The following TAF6 variants were observed in gnomAD, a reference collection of about 807,000 sequenced individuals.
TAF6 encodes the protein TATA-box binding protein associated factor 6.
In TAF6, 50 loss-of-function variants were observed where a neutral mutation model predicts 73.5. That is an observed-to-expected ratio of 0.68 (90% confidence interval 0.54 to 0.86). The LOEUF is 0.86. Ranked by LOEUF, TAF6 falls within the 40% of genes least tolerant of loss-of-function variation. The probability of loss-of-function intolerance (pLI) is 0.00; values close to 1 mark genes in which losing one functional copy is unlikely to be tolerated. For synonymous variants in TAF6, 424 were observed against 376.7 expected (o/e 1.13, Z -1.45); for missense variants, 768 against 899.5 (o/e 0.85, Z 1.87).
At chr7:100,112,280 C>T (rs1562927464) in intron 6 of TAF6, 27 bp from the exon 7 acceptor site, 2 of 1,603,518 alleles carry the variant, frequency 1.2e-6, no homozygotes, top group South Asian at 2.2e-5. Flanking sequence ...GTGGGTCTGA[C>T]AAAGAAAGCT....
At chr7:100,110,104 C>T (rs748929405) in intron 11 of TAF6, 31 bp from the exon 12 acceptor site, 124 of 1,613,846 alleles carry the variant, frequency 7.7e-5, no homozygotes, top group South Asian at 6.6e-5. Context: ...AAGCAAAAGC[C>T]GGAGGGTCAC....
At chr7:100,125,032 C>A in the TAF6 span, 11 of 936,676 alleles carry the variant, frequency 1.2e-5, no homozygotes, top group South Asian at 1.8e-5. Context: ...TAACCTCAGG[C>A]AAGATCCTGG....
chr7:100,108,172 G>A, intron 13 of TAF6, 49 bp from the exon 14 acceptor site: 2 of 1,541,206 alleles, frequency 1.3e-6, no homozygotes, highest in South Asian at 1.2e-5. Flanking sequence ...ACTAAGAAGA[G>A]GAGTCTGAAG....
At chr7:100,127,170 A>G in the TAF6 span, 8 of 526,634 alleles carry the variant, frequency 1.5e-5, no homozygotes, top group Non-Finnish European at 2.3e-5. The surrounding 1 kb of genome is among the most constrained non-coding windows in gnomAD (Gnocchi z 4.6). Context: ...GGGGCCGAGG[A>G]CGCCGAGGGA....
At position 100,112,894 on chromosome 7, in the gene TAF6, CA is replaced by C. The variant is rs1310343858; in HGVS notation, c.477del (p.Glu160LysfsTer6). ...PPPAPKEQQK[A>X]EATEPLKSAK... ...GCTGACTTCAGGGGTTCTGTGGCTT[CA>C]GCCTTCTGTTGCTCTTTGGGAGCTG... On this transcript the variant is annotated frameshift_variant, in exon 6 of 15. Transcript: ENST00000453269. LOFTEE classifies it high-confidence loss of function. 2 of 1,613,376 alleles carry C rather than the reference CA, an allele frequency of 1.2e-6. No homozygotes were observed. Among genetic ancestry groups the C allele is most frequent in the Non-Finnish European group, 1.7e-6 (2 of 1,179,536 alleles).
chr7:100,115,141 C>G (rs990036035), intron 1 of TAF6: 1 of 152,094 alleles, frequency 6.6e-6, no homozygotes, highest in African/African-American at 2.4e-5. Flanking sequence ...AATTACAGGC[C>G]TGAGCCACCA....
chr7:100,113,460 GCC>G (rs1797388779), intron 4 of TAF6, 55 bp from the exon 5 acceptor site: 21 of 1,530,804 alleles, frequency 1.4e-5, no homozygotes, highest in Non-Finnish European at 1.7e-5. Context: ...TTGGGGAGTT[GCC>G]CCATGCTATG....
At chr7:100,123,347 A>C (rs146487917), upstream of TAF6, among the ~76,000 whole-genome samples, 2,623 of 151,696 alleles carry the variant, frequency 0.017, 33 homozygotes, top group Non-Finnish European at 0.027. Flanking sequence ...ATCTTAAAAA[A>C]AAAAACAAAA....
chr7:100,113,838 ACC>A (rs34119670), intron 3 of TAF6, 28 bp downstream of exon 3: 1,317 of 1,458,336 alleles, frequency 9.0e-4, no homozygotes, highest in South Asian at 1.9e-3. Flanking sequence ...ATGGCGTCTC[ACC>A]CCCCCCCCGC....
upstream of TAF6, among the ~76,000 whole-genome samples, chr7:100,123,312 A>G (rs113371542): frequency 3.9e-5 from 6 of 152,030 alleles, no homozygotes; most frequent in African/African-American, 1.4e-4. Flanking sequence ...ATTGCACTCC[A>G]GCCAGGGCGA....
chr7:100,110,043 G>A lies in TAF6; in HGVS notation c.1189C>T (p.Gln397Ter). 1 of 1,614,146 alleles carries A rather than the reference G, an allele frequency of 6.2e-7. No individual in the cohort carries two copies. The highest frequency in any genetic ancestry group is 2.2e-5 in the East Asian group (1 of 44,870). ...CTGCGGATCCGCTCCCCTTCCTGCTGCAGCCGGGGCAGAATCAGAGTCTTG... is the reference window on the plus strand; with the variant it reads ...CTGCGGATCCGCTCCCCTTCCTGCTACAGCCGGGGCAGAATCAGAGTCTTG... ...VIKTLILPRLQQEGERIRSVL... is the reference protein window; with the variant it reads ...VIKTLILPRL Residue 397 changes from glutamine (Q) to a stop codon, truncating the protein, a stop_gained, in exon 12 of 15, where the codon CAG becomes TAG. Coordinates refer to ENST00000453269, the MANE Select transcript of TAF6 (RefSeq NM_139315.3). LOFTEE classifies it high-confidence loss of function.
At chr7:100,119,582 C>T (rs1797957762), upstream of TAF6, 1 of 1,465,058 alleles carries the variant, frequency 6.8e-7, no homozygotes, top group Admixed American at 2.7e-5. Flanking sequence ...GCAGGGAAAC[C>T]CGTAGCAACG....
upstream of TAF6, among the ~76,000 whole-genome samples, chr7:100,120,635 G>T (rs1348433094): frequency 6.6e-6 from 1 of 152,090 alleles, no homozygotes; most frequent in African/African-American, 2.4e-5. Context: ...TTTCACCTCC[G>T]TGTGCCGCTC....
rs1562930474 is a variant in TAF6, at chr7:100,114,084, C to T, written c.126G>A (p.Glu42=). ...QEETCQLLTD[E]VSYRIKEIAQ... ...CGATCTCTTTGATGCGGTAGCTGAC[C>T]TCATCCGTTAGCAGCTGGCAGGTCT... The change falls in exon 2 of 15, where the codon GAG becomes GAA. Residue 42 remains glutamate, a synonymous_variant. Coordinates refer to ENST00000453269, the MANE Select transcript of TAF6 (RefSeq NM_139315.3). 5.0e-6 allele frequency: 8 copies of T among 1,614,198 alleles called. No homozygotes were observed. The highest frequency in any genetic ancestry group is 4.4e-5 in the South Asian group (4 of 91,088).
intron 10 of TAF6, 100 bp downstream of exon 10, chr7:100,111,039 C>A: frequency 1.4e-6 from 2 of 1,400,048 alleles, no homozygotes; most frequent in Non-Finnish European, 2.0e-6. Flanking sequence ...CCCACAAGTT[C>A]CAGTCCCTCT....
chr7:100,122,934 G>A (rs751666172), upstream of TAF6: 10 of 1,589,912 alleles, frequency 6.3e-6, no homozygotes, highest in South Asian at 1.0e-4. Context: ...ACCATCCAGG[G>A]AGGTGAGAAG....
intron 1 of TAF6, among the ~76,000 whole-genome samples, chr7:100,117,591 T>C (rs1562934356): frequency 6.6e-6 from 1 of 151,646 alleles, no homozygotes. Flanking sequence ...CTTTATTATG[T>C]TCACTGATGT....
intron 6 of TAF6, 83 bp downstream of exon 6, chr7:100,112,714 CA>C (rs776886411): frequency 1.7e-5 from 25 of 1,470,008 alleles, no homozygotes; most frequent in Non-Finnish European, 2.2e-5. Context: ...GACTCTGTCT[CA>C]AAAACAAAAA....
chr7:100,119,927 T>C, upstream of TAF6: 2 of 1,453,878 alleles, frequency 1.4e-6, no homozygotes, highest in South Asian at 2.6e-5. Flanking sequence ...AGGCCGGACA[T>C]CCTAGCCTGT....
Sources: gnomAD v4.1 joint callset for allele counts (sites outside exome capture counted in the v4.1 genomes callset) on GRCh38, gnomAD v4.1.1 for gene constraint, Gnocchi (gnomAD v3.1) non-coding constraint, MANE v1.5 for transcripts, NCBI Gene and HGNC (gene_info 2026-07-23, HGNC 2026-07-21) for gene names.